Variants in PRDX3 observed in about 807,000 individuals in gnomAD.
PRDX3 encodes the protein thioredoxin-dependent peroxide reductase, mitochondrial.
In PRDX3, 20 loss-of-function variants were observed where a neutral mutation model predicts 30.4. The ratio of observed to expected loss-of-function variants is 0.66; its 90% confidence interval spans 0.46 to 0.96. PRDX3 has a LOEUF of 0.96. Ranked by LOEUF, PRDX3 falls within the 40% of genes least tolerant of loss-of-function variation. PRDX3 has a pLI of 0.00. For missense variants in PRDX3, 322 were observed against 318.3 expected, an observed-to-expected ratio of 1.01 and a Z score of -0.09; for synonymous variants, 124 against 117.8, an observed-to-expected ratio of 1.05 and a Z score of -0.34.
At chr10:119,172,331 TG>T in intron 5 of PRDX3, 50 bp downstream of exon 5, 1 of 1,432,778 alleles carries the variant, frequency 7.0e-7, no homozygotes, top group Non-Finnish European at 9.8e-7. Flanking sequence ...AGAAGCAGAA[TG>T]ATACTAAACA....
At chr10:119,173,329 G>T (rs1271289523) in intron 4 of PRDX3, among the ~76,000 whole-genome samples, 2 of 152,168 alleles carry the variant, frequency 1.3e-5, no homozygotes, top group African/African-American at 4.8e-5. Context: ...CCTTGAGTAG[G>T]CCAGGTGTGG....
intron 1 of PRDX3, 107 bp from the exon 2 acceptor site, chr10:119,177,260 A>C: frequency 9.0e-7 from 1 of 1,115,398 alleles, no homozygotes; most frequent in Non-Finnish European, 1.3e-6. Context: ...CTGTGAACCA[A>C]ATAGCAAACC....
At chr10:119,174,781 G>A (rs936683618) in intron 2 of PRDX3, 189 bp from the exon 3 acceptor site, 40 of 491,158 alleles carry the variant, frequency 8.1e-5, no homozygotes, top group Middle Eastern at 1.0e-3. Flanking sequence ...CTAGGATATC[G>A]AAATCTACAG....
intron 2 of PRDX3, among the ~76,000 whole-genome samples, chr10:119,176,705 A>G (rs889618755): frequency 6.6e-6 from 1 of 152,194 alleles, no homozygotes; most frequent in African/African-American, 2.4e-5. Flanking sequence ...CAGACACACT[A>G]GACTCAGAAG....
Position 119,168,435 on chromosome 10 carries a change from G to T in PRDX3, c.*45C>A. 2.5e-6 allele frequency: 4 copies of T among 1,610,142 alleles called. No individual in the cohort carries two copies. Among genetic ancestry groups the T allele is most frequent in the Non-Finnish European group, 2.5e-6 (3 of 1,179,322 alleles). On this transcript the variant is annotated 3_prime_UTR_variant, in exon 7 of 7. Transcript: ENST00000298510. ...AAAATGATAAAAGCAGGTTTCAACT[G>T]TGGTTCTTCTCTCAGTTGAGAAGGT...
chr10:119,168,246 A>C lies in PRDX3; in HGVS notation c.*234T>G. On this transcript the variant is annotated 3_prime_UTR_variant, in exon 7 of 7. Coordinates refer to ENST00000298510, the MANE Select transcript of PRDX3 (RefSeq NM_006793.5). ...TAGAGGCAAATTATGTTCTGTAGAA[A>C]CTAGCTAGCCAGCCACCAAGATGTT... 5.3e-6 allele frequency: 4 copies of C among 753,158 alleles called. No individual in the cohort carries two copies. The highest frequency in any genetic ancestry group is 7.9e-6 in the Non-Finnish European group (4 of 505,902). 46.7% of individuals were successfully genotyped at this position (753,158 alleles called of 1,614,324 possible).
At chr10:119,175,001 T>C (rs1847993813) in intron 2 of PRDX3, among the ~76,000 whole-genome samples, 2 of 152,234 alleles carry the variant, frequency 1.3e-5, no homozygotes, top group Non-Finnish European at 2.9e-5. Flanking sequence ...CTCCCAATAT[T>C]TTCGATTCAA....
chr10:119,175,232 C>A (rs1053376088), intron 2 of PRDX3, among the ~76,000 whole-genome samples: 2 of 152,190 alleles, frequency 1.3e-5, no homozygotes, highest in Non-Finnish European at 2.9e-5. Flanking sequence ...ATGTAGGAAA[C>A]AGCAGGAAGG....
At position 119,168,415 on chromosome 10, in the gene PRDX3, G is replaced by A; in HGVS notation, c.*65C>T. 4 of 1,605,640 alleles carry A rather than the reference G, an allele frequency of 2.5e-6. No homozygotes were observed. The highest frequency in any genetic ancestry group is 3.4e-6 in the Non-Finnish European group (4 of 1,178,188). On this transcript the variant is annotated 3_prime_UTR_variant, in exon 7 of 7. Transcript: ENST00000298510. ...TTCTACAAATAACCATCTTGAAAAT[G>A]ATAAAAGCAGGTTTCAACTGTGGTT...
intron 1 of PRDX3, among the ~76,000 whole-genome samples, chr10:119,177,407 C>G (rs1040789912): frequency 1.3e-5 from 2 of 152,138 alleles, no homozygotes; most frequent in African/African-American, 4.8e-5. Context: ...CACCTGTAAT[C>G]CCAGCACTTT....
chr10:119,171,029 C>CTTCG (rs532091625), intron 5 of PRDX3: 2 of 155,332 alleles, frequency 1.3e-5, no homozygotes, highest in Admixed American at 6.6e-5. Context: ...GGTGAGCTGG[C>CTTCG]TTTGTTTGTT....
intron 6 of PRDX3, among the ~76,000 whole-genome samples, 185 bp from the exon 7 acceptor site, chr10:119,168,718 C>T (rs1389172379): frequency 2.0e-5 from 3 of 152,180 alleles, no homozygotes; most frequent in African/African-American, 7.2e-5. Flanking sequence ...TGGCTCACGC[C>T]GGTAATCCCA....
Position 119,168,352 on chromosome 10 carries a change from GT to G in PRDX3, c.*127del. ...GAATTACAAAAACAAAACATTTAGA[GT>G]AATACTTATGAATACAAGCATAATT... On this transcript the variant is annotated 3_prime_UTR_variant, in exon 7 of 7. Transcript: ENST00000298510. The G allele has an allele frequency of 6.6e-7, 1 of 1,513,422 alleles. No homozygotes were observed. Among genetic ancestry groups the G allele is most frequent in the Non-Finnish European group, 8.8e-7 (1 of 1,137,542 alleles). The allele number at this position is 1,513,422 out of a possible 1,614,324, so 93.7% of individuals were successfully genotyped here. A position where few individuals can be genotyped will look rare whatever the true frequency, so the allele number is the denominator to read the frequency against.
chr10:119,169,159 T>C lies in PRDX3; in HGVS notation c.717+18A>G, dbSNP rs761100401. On this transcript the variant is annotated intron_variant, in intron 6 of 6. Coordinates refer to ENST00000298510, the MANE Select transcript of PRDX3 (RefSeq NM_006793.5). ...TGAGAGAACATGGACCTCACTGCTT[T>C]TGGGGAAAAAAACCTACCGTAGGAG... is the stretch of plus-strand genomic sequence containing the variant. 6.2e-7 allele frequency: 1 copy of C among 1,610,672 alleles called. No homozygotes were observed. Among genetic ancestry groups the C allele is most frequent in the South Asian group, 1.1e-5 (1 of 90,962 alleles).
intron 6 of PRDX3, 119 bp from the exon 7 acceptor site, chr10:119,168,652 TAA>T: frequency 1.3e-6 from 2 of 1,490,148 alleles, no homozygotes; most frequent in Non-Finnish European, 1.8e-6. Context: ...AGATTTCCTT[TAA>T]AACATAAAGA....
intron 4 of PRDX3, among the ~76,000 whole-genome samples, chr10:119,173,455 C>G (rs1455866489): frequency 6.6e-5 from 10 of 151,836 alleles, no homozygotes. Flanking sequence ...ACTAAAAATA[C>G]AAAATTAGCC....
At position 119,178,771 on chromosome 10, in the gene PRDX3, C is replaced by G. The variant is rs372470152; in HGVS notation, c.20G>C (p.Arg7Pro). 1.3e-6 allele frequency: 2 copies of G among 1,552,802 alleles called. No individual in the cohort carries two copies. The highest frequency in any genetic ancestry group is 1.7e-6 in the Non-Finnish European group (2 of 1,148,262). The change falls in exon 1 of 7, where the codon CGG (arginine) becomes CCG (proline). Residue 7 changes from arginine to proline, a missense_variant. Arg to Pro is a moderately radical substitution (Grantham distance 103, BLOSUM62 -2). Transcript: ENST00000298510. MAAAVG[R>P]LLRASVARHV... is the part of the protein sequence containing the mutation. ...GCCACTCACCGACGCTCGGAGCAACCGTCCTACAGCAGCCGCCATCTTCAG... is the reference window on the plus strand; with the variant it reads ...GCCACTCACCGACGCTCGGAGCAACGGTCCTACAGCAGCCGCCATCTTCAG...
intron 1 of PRDX3, among the ~76,000 whole-genome samples, chr10:119,178,346 T>C (rs559933837): frequency 3.9e-4 from 60 of 152,332 alleles, no homozygotes; most frequent in African/African-American, 1.3e-3. Flanking sequence ...TTTAGCACTT[T>C]GCGCGTTTTT....
rs950948166 is a variant in PRDX3 at position 119,172,587 on chromosome 10, G to A, written c.448-102C>T. The A allele has an allele frequency of 1.0e-5, 10 of 976,072 alleles. No homozygotes were observed. The African/African-American group carries it at 1.4e-4, about 14-fold the overall frequency. The allele number at this position is 976,072 out of a possible 1,614,324, so 60.5% of individuals were successfully genotyped here. A position where few individuals can be genotyped will look rare whatever the true frequency, so the allele number is the denominator to read the frequency against. ...CCAACAGTAACGGCGATAGGTAACA[G>A]TAATTCAACAACGGGCCAAGCACTG... On this transcript the variant is annotated intron_variant, in intron 4 of 6. Coordinates refer to ENST00000298510, the MANE Select transcript of PRDX3 (RefSeq NM_006793.5).
Sources: allele counts gnomAD v4.1 joint callset (sites outside exome capture counted in the v4.1 genomes callset), GRCh38; gene constraint gnomAD v4.1.1; transcripts MANE v1.5; gene names NCBI Gene and HGNC (gene_info 2026-07-23, HGNC 2026-07-21).